The following SORCS3 variants were observed in gnomAD, a reference collection of about 807,000 sequenced individuals.
SORCS3 encodes the protein sortilin related VPS10 domain containing receptor 3, also known as VPS10 domain-containing receptor SorCS3.
In SORCS3, 57 loss-of-function variants were observed where a neutral mutation model predicts 146.3. The ratio of observed to expected loss-of-function variants is 0.39; its 90% CI spans 0.31 to 0.49. The LOEUF is 0.49. Among genes scored for constraint, SORCS3 ranks in the 20% least tolerant of loss-of-function variants. SORCS3 has a pLI of 0.92. For synonymous variants in SORCS3, 653 were observed against 618.5 expected (o/e 1.06, Z -0.83); for missense variants, 1,341 against 1,575.5 (o/e 0.85, Z 2.52).
chr10:104,913,505 C>T (rs749099449), intron 2 of SORCS3, among the ~76,000 whole-genome samples: 4 of 152,122 alleles, frequency 2.6e-5, no homozygotes, highest in Admixed American at 2.6e-4. Flanking sequence ...TAGCATAACT[C>T]ATGACCATGT....
chr10:105,110,775 A>G (rs975532735), intron 7 of SORCS3, among the ~76,000 whole-genome samples: 2 of 152,178 alleles, frequency 1.3e-5, no homozygotes, highest in Admixed American at 1.3e-4. Flanking sequence ...GTGATTTATA[A>G]TAGGAAAAGG....
intron 1 of SORCS3, among the ~76,000 whole-genome samples, chr10:104,786,549 AAATAATAATAAT>A (rs10644058): frequency 2.1e-5 from 3 of 140,516 alleles, no homozygotes; most frequent in Non-Finnish European, 4.6e-5. Flanking sequence ...ACTCCATCTA[AAATAATAATAAT>A]AATAATAATA....
intron 1 of SORCS3, among the ~76,000 whole-genome samples, chr10:104,779,302 C>A (rs2017346580): frequency 6.6e-6 from 1 of 152,110 alleles, no homozygotes; most frequent in South Asian, 2.1e-4. Flanking sequence ...GTTGTAGCAG[C>A]CGTAGGAAAG....
chr10:104,931,494 A>C (rs960788527), intron 3 of SORCS3, among the ~76,000 whole-genome samples: 12 of 152,212 alleles, frequency 7.9e-5, no homozygotes, highest in African/African-American at 2.9e-4. Context: ...AAGACCTTTA[A>C]GGCTAAGTTG....
chr10:104,646,747 A>G (rs947958430), intron 1 of SORCS3, among the ~76,000 whole-genome samples: 1 of 152,014 alleles, frequency 6.6e-6, no homozygotes. Flanking sequence ...TTTGAAGGAG[A>G]AAAGAGGCCT....
At chr10:105,039,836 A>G (rs1417803272) in intron 4 of SORCS3, among the ~76,000 whole-genome samples, 3 of 152,128 alleles carry the variant, frequency 2.0e-5, no homozygotes, top group Non-Finnish European at 4.4e-5. Context: ...GAGCTCTGCC[A>G]CCACCAGGTC....
intron 1 of SORCS3, among the ~76,000 whole-genome samples, chr10:104,680,805 G>T (rs551762877): frequency 2.6e-4 from 39 of 152,360 alleles, no homozygotes; most frequent in African/African-American, 8.9e-4. Flanking sequence ...TAGGAAGCAG[G>T]CAAGCTGCAG....
At chr10:104,932,165 T>C (rs2019214930) in intron 3 of SORCS3, among the ~76,000 whole-genome samples, 1 of 152,198 alleles carries the variant, frequency 6.6e-6, no homozygotes, top group Non-Finnish European at 1.5e-5. Flanking sequence ...TTGTAAAAAG[T>C]TATTTTTCTT....
chr10:105,135,157 G>A (rs2056050451), intron 7 of SORCS3, among the ~76,000 whole-genome samples: 1 of 152,136 alleles, frequency 6.6e-6, no homozygotes, highest in Non-Finnish European at 1.5e-5. Context: ...CATGGGGTGA[G>A]GATTGGGTCT....
intron 12 of SORCS3, among the ~76,000 whole-genome samples, chr10:105,165,672 C>T (rs188513555): frequency 3.9e-5 from 6 of 152,112 alleles, no homozygotes; most frequent in African/African-American, 9.6e-5. Flanking sequence ...TAACCTATTA[C>T]GAGAGCCAAA....
At chr10:105,200,632 T>G (rs1564783223) in intron 15 of SORCS3, among the ~76,000 whole-genome samples, 3 of 152,184 alleles carry the variant, frequency 2.0e-5, no homozygotes, top group Admixed American at 2.0e-4. Flanking sequence ...GTAATTTGTA[T>G]CAACTTCTCC....
At chr10:105,091,920 C>CCT (rs1421594134) in intron 6 of SORCS3, among the ~76,000 whole-genome samples, 2 of 152,110 alleles carry the variant, frequency 1.3e-5, no homozygotes, top group African/African-American at 4.8e-5. Context: ...CCTAAGTCAA[C>CCT]CTGTTTAGGC....
chr10:104,894,425 A>G (rs1468989614), intron 2 of SORCS3, among the ~76,000 whole-genome samples: 3 of 152,234 alleles, frequency 2.0e-5, no homozygotes, highest in African/African-American at 7.2e-5. Flanking sequence ...ATATTGAATC[A>G]TGAAGGCTCT....
At chr10:105,243,791 A>C (rs528482313) in intron 20 of SORCS3, among the ~76,000 whole-genome samples, 1 of 152,362 alleles carries the variant, frequency 6.6e-6, no homozygotes, top group African/African-American at 2.4e-5. Flanking sequence ...ACAGAGCTAT[A>C]GAATTTTAAA....
At chr10:105,009,544 A>ACC (rs1427054486) in intron 4 of SORCS3, among the ~76,000 whole-genome samples, 16,906 of 148,620 alleles carry the variant, frequency 0.11, 1,235 homozygotes, top group Middle Eastern at 0.18. Context: ...AAAAAAAAAA[A>ACC]AAAAAAACCC....
chr10:105,127,639 A>G (rs1250042617), intron 7 of SORCS3, among the ~76,000 whole-genome samples: 1 of 152,168 alleles, frequency 6.6e-6, no homozygotes, highest in Non-Finnish European at 1.5e-5. Flanking sequence ...CTAAGAGACT[A>G]TTATAGATGA....
At chr10:104,988,596 T>C (rs2054975563) in intron 4 of SORCS3, among the ~76,000 whole-genome samples, 1 of 152,214 alleles carries the variant, frequency 6.6e-6, no homozygotes, top group African/African-American at 2.4e-5. Context: ...ACCAAGGTGT[T>C]TGTCATTTAA....
intron 4 of SORCS3, among the ~76,000 whole-genome samples, chr10:105,016,397 C>T (rs1340951630): frequency 2.0e-5 from 3 of 150,580 alleles, no homozygotes; most frequent in Admixed American, 6.6e-5. Context: ...GATCCACCCA[C>T]CTCAGCTTCC....
At chr10:104,794,664 T>C (rs2017533548) in intron 1 of SORCS3, among the ~76,000 whole-genome samples, 1 of 134,380 alleles carries the variant, frequency 7.4e-6, no homozygotes, top group African/African-American at 2.8e-5. Flanking sequence ...AGAGAGAATA[T>C]TATCCAGCAT....
Sources: allele counts gnomAD v4.1 joint callset (sites outside exome capture counted in the v4.1 genomes callset), GRCh38; gene constraint gnomAD v4.1.1; transcripts MANE v1.5; gene names NCBI Gene and HGNC (gene_info 2026-07-23, HGNC 2026-07-21).